ASPA: variants seen among roughly 807,000 people sequenced by gnomAD.
The protein encoded by ASPA is aspartoacylase, also known as ACY-2.
Under a neutral mutation model 29.6 loss-of-function variants are expected in ASPA, and 25 were observed. The observed-to-expected ratio is 0.85, with a 90% CI of 0.62 to 1.18. The LOEUF is 1.18. Among genes scored for constraint, ASPA ranks in the 50% most tolerant of loss-of-function variants. The pLI is 0.00. For synonymous variants in ASPA, 131 were observed against 130.3 expected, an observed-to-expected ratio of 1.01 and a Z score of -0.04; for missense variants, 333 against 385.7, an observed-to-expected ratio of 0.86 and a Z score of 1.14.
In ASPA at chr17:3,481,810, G is replaced by A. The variant is rs201507545; in HGVS notation, c.432+12G>A. On this transcript the variant is annotated intron_variant, in intron 2 of 5. Coordinates refer to ENST00000263080, the MANE Select transcript of ASPA (RefSeq NM_000049.4). Reference sequence around the variant, plus strand: ...TTCATTACATTAAGGTAATGTTAATGTTATTAATTTATAAGTTAGCAAAGG... The same window carrying A: ...TTCATTACATTAAGGTAATGTTAATATTATTAATTTATAAGTTAGCAAAGG... The A allele has an allele frequency of 6.3e-7, 1 of 1,575,330 alleles. No homozygotes were observed. The highest frequency in any genetic ancestry group is 1.3e-5 in the African/African-American group (1 of 74,114).
intron 1 of ASPA, 60 bp downstream of exon 1, chr17:3,476,455 G>A (rs1036867578): frequency 6.9e-7 from 1 of 1,455,356 alleles, no homozygotes; most frequent in African/African-American, 1.4e-5. Flanking sequence ...GTAGGTGTGT[G>A]AAAGAGAACA....
intron 3 of ASPA, among the ~76,000 whole-genome samples, chr17:3,487,357 AG>A: frequency 6.6e-6 from 1 of 152,350 alleles, no homozygotes; most frequent in African/African-American, 2.4e-5. Context: ...AGTTGGAAGG[AG>A]AACATATAAC....
intron 5 of ASPA, 30 bp from the exon 6 acceptor site, chr17:3,498,861 A>G: frequency 6.8e-7 from 1 of 1,480,604 alleles, no homozygotes; most frequent in South Asian, 1.4e-5. Flanking sequence ...AACCAAATAT[A>G]ATATATTTAT....
intron 5 of ASPA, among the ~76,000 whole-genome samples, chr17:3,497,032 C>G (rs2073921059): frequency 6.6e-6 from 1 of 152,174 alleles, no homozygotes; most frequent in South Asian, 2.1e-4. Flanking sequence ...TGCCACTGCA[C>G]TCCAGCCTGG....
At chr17:3,491,034 C>CA (rs2073815687) in intron 4 of ASPA, among the ~76,000 whole-genome samples, 1 of 152,276 alleles carries the variant, frequency 6.6e-6, no homozygotes, top group East Asian at 1.9e-4. Context: ...TCATAGCCGC[C>CA]ATGTGAAAAG....
chr17:3,481,821 A>T, intron 2 of ASPA, 23 bp downstream of exon 2: 1 of 1,555,608 alleles, frequency 6.4e-7, no homozygotes, highest in Non-Finnish European at 8.8e-7. Flanking sequence ...TTATTAATTT[A>T]TAAGTTAGCA....
At chr17:3,477,587 G>T (rs1189452328) in intron 1 of ASPA, among the ~76,000 whole-genome samples, 1 of 152,018 alleles carries the variant, frequency 6.6e-6, no homozygotes, top group African/African-American at 2.4e-5. Flanking sequence ...CGAGTAGCTG[G>T]GATTACAGGC....
At chr17:3,487,857 A>G (rs1408102485) in intron 3 of ASPA, among the ~76,000 whole-genome samples, 1 of 152,226 alleles carries the variant, frequency 6.6e-6, no homozygotes, top group Non-Finnish European at 1.5e-5. Context: ...TAGGCAAACG[A>G]CAATGTATTC....
chr17:3,479,355 G>A (rs981452292), intron 1 of ASPA, among the ~76,000 whole-genome samples: 3 of 152,128 alleles, frequency 2.0e-5, no homozygotes, highest in African/African-American at 7.2e-5. Context: ...ATTGTCGGGC[G>A]CGACCTCAGG....
intron 4 of ASPA, among the ~76,000 whole-genome samples, chr17:3,491,704 T>C (rs1211144402): frequency 2.0e-5 from 3 of 151,658 alleles, no homozygotes; most frequent in Non-Finnish European, 4.4e-5. Flanking sequence ...GCCGAGTTCA[T>C]GCCACTGCAC....
chr17:3,476,321 C>A lies in ASPA; in HGVS notation c.162C>A (p.Asn54Lys), dbSNP rs779440632. Reference sequence around the variant, plus strand: ...TGGAGGTAAAACCATTTATTACTAACCCCAGAGCAGTGAAGAAGTGTACCA... The same window carrying A: ...TGGAGGTAAAACCATTTATTACTAAACCCAGAGCAGTGAAGAAGTGTACCA... ...TGLEVKPFIT[N>K]PRAVKKCTRY... Residue 54 changes from asparagine to lysine, a missense_variant, in exon 1 of 6, where the codon AAC becomes AAA. Coordinates refer to ENST00000263080, the MANE Select transcript of ASPA (RefSeq NM_000049.4). The A allele has an allele frequency of 1.9e-6, 3 of 1,614,146 alleles. No homozygotes were observed. Among genetic ancestry groups the A allele is most frequent in the South Asian group, 2.2e-5 (2 of 91,078 alleles).
chr17:3,494,293 C>T lies in ASPA; in HGVS notation c.635-57C>T, dbSNP rs1036301782. 3.6e-6 allele frequency: 5 copies of T among 1,369,958 alleles called. No homozygotes were observed. In the African/African-American group the frequency reaches 7.2e-5, roughly 20 times the overall value. 84.9% of individuals were successfully genotyped at this position (1,369,958 alleles called of 1,614,324 possible). ...TGCTGGGATGACAGGCATGAGCCACCACACCCGGCCCAGAGATGTTTTTAG... is the reference window on the plus strand; with the variant it reads ...TGCTGGGATGACAGGCATGAGCCACTACACCCGGCCCAGAGATGTTTTTAG... On this transcript the variant is annotated intron_variant, in intron 4 of 5. Coordinates refer to ENST00000263080, the MANE Select transcript of ASPA (RefSeq NM_000049.4).
chr17:3,496,247 G>A (rs2073905719), intron 5 of ASPA, among the ~76,000 whole-genome samples: 1 of 152,192 alleles, frequency 6.6e-6, no homozygotes, highest in Non-Finnish European at 1.5e-5. Context: ...GATAGGGAAG[G>A]TTCCTCATGG....
chr17:3,474,393 A>G (rs1451803317), upstream of ASPA, among the ~76,000 whole-genome samples: 1 of 152,232 alleles, frequency 6.6e-6, no homozygotes, highest in Non-Finnish European at 1.5e-5. Context: ...GGACAGAACA[A>G]ACTACAAATC....
intron 2 of ASPA, among the ~76,000 whole-genome samples, chr17:3,482,947 C>T (rs1283957479): frequency 1.7e-5 from 2 of 116,150 alleles, no homozygotes; most frequent in Admixed American, 9.8e-5. Flanking sequence ...CCCCTCCCCC[C>T]ACCCCAATTC....
At position 3,501,475 on chromosome 17, in the gene ASPA, A is replaced by T. The variant is rs2073988553; in HGVS notation, c.*2387A>T. The T allele has an allele frequency of 6.6e-6, 1 of 152,550 alleles. No homozygotes were observed. The highest frequency in any genetic ancestry group is 1.5e-5 in the Non-Finnish European group (1 of 68,204). The allele number at this position is 152,550 out of a possible 1,614,324, so 9.4% of individuals were successfully genotyped here. ...GATGTAACTGAACTGCTGCAATCTC[A>T]TGATCACACTTGAATGGATGAGGAG... On this transcript the variant is annotated 3_prime_UTR_variant, in exon 6 of 6. Transcript: ENST00000263080.
chr17:3,478,268 A>C (rs2073566922), intron 1 of ASPA, among the ~76,000 whole-genome samples: 1 of 152,100 alleles, frequency 6.6e-6, no homozygotes, highest in African/African-American at 2.4e-5. Context: ...ATCAACTCTA[A>C]TTTGAGTTAG....
At chr17:3,493,728 C>T (rs2073864105) in intron 4 of ASPA, among the ~76,000 whole-genome samples, 1 of 152,100 alleles carries the variant, frequency 6.6e-6, no homozygotes, top group East Asian at 1.9e-4. Context: ...GAAAGCGAGC[C>T]TCAAGAAGTT....
chr17:3,490,288 G>T lies in ASPA; in HGVS notation c.634+946G>T, dbSNP rs1417785741. Among the ~76,000 whole-genome samples, 1 of 152,120 alleles carries T rather than the reference G, an allele frequency of 6.6e-6. No individual in the cohort carries two copies. The highest frequency in any genetic ancestry group is 1.5e-5 in the Non-Finnish European group (1 of 68,026). Reference sequence around the variant, plus strand: ...AAACGGGGACTGGTGGACAAGGTGGGTATATGCAGCTCTATGCACTATCTG... The same window carrying T: ...AAACGGGGACTGGTGGACAAGGTGGTTATATGCAGCTCTATGCACTATCTG... On this transcript the variant is annotated intron_variant, in intron 4 of 5. Coordinates refer to ENST00000263080, the MANE Select transcript of ASPA (RefSeq NM_000049.4). This position sits in a 1 kb window ranked among gnomAD's most constrained non-coding sequence, Gnocchi z 4.6.
Sources: allele counts gnomAD v4.1 joint callset (sites outside exome capture counted in the v4.1 genomes callset), GRCh38; gene constraint gnomAD v4.1.1; non-coding constraint Gnocchi (gnomAD v3.1); transcripts MANE v1.5; gene names NCBI Gene and HGNC (gene_info 2026-07-23, HGNC 2026-07-21).